The following DGLUCY variants were observed in gnomAD, a reference collection of about 807,000 sequenced individuals.
DGLUCY encodes D-glutamate cyclase, mitochondrial.
A neutral mutation model predicts 58.5 loss-of-function variants in DGLUCY; 58 were observed. That is an observed-to-expected ratio of 0.99 (90% confidence interval 0.80 to 1.23). The LOEUF (loss-of-function observed/expected upper bound fraction) is 1.23. DGLUCY is among the 50% of genes most tolerant of loss of function. DGLUCY has a pLI of 0.00. For synonymous variants in DGLUCY, 325 were observed against 314.1 expected (o/e 1.03, Z -0.37); for missense variants, 779 against 784.7 (o/e 0.99, Z 0.09).
In DGLUCY at chr14:91,201,359, C is replaced by T. The variant is rs563136215; in HGVS notation, c.1444+1454C>T. On this transcript the variant is annotated intron_variant, in intron 11 of 13. Coordinates refer to ENST00000256324, the MANE Select transcript of DGLUCY (RefSeq NM_001102368.3). ...CTGTTACCTGTCTCAAATGCAGTGG[C>T]GCAATCTCGGCTCACTGCAACCTCC... is the stretch of plus-strand genomic sequence containing the variant. Among the ~76,000 whole-genome samples, 6 of 151,016 alleles carry T rather than the reference C, an allele frequency of 4.0e-5. No homozygotes were observed. The East Asian group carries it at 1.2e-3, about 30-fold the overall frequency.
intron 1 of DGLUCY, among the ~76,000 whole-genome samples, chr14:91,154,796 ATCAC>A (rs201431969): frequency 0.028 from 4,283 of 152,248 alleles, 75 homozygotes; most frequent in South Asian, 0.036. Flanking sequence ...AGTTTCACAA[ATCAC>A]TCACTGCTCA....
intron 1 of DGLUCY, among the ~76,000 whole-genome samples, chr14:91,138,507 A>G (rs1246260427): frequency 6.6e-6 from 1 of 152,168 alleles, no homozygotes; most frequent in African/African-American, 2.4e-5. Flanking sequence ...AAGAAAAAGA[A>G]AAAAAGAAAT....
chr14:91,086,802 A>G (rs965249891), intron 1 of DGLUCY, among the ~76,000 whole-genome samples: 6 of 152,208 alleles, frequency 3.9e-5, no homozygotes, highest in African/African-American at 1.4e-4. Context: ...CACCCAGGCT[A>G]GAGTGCAATG....
upstream of DGLUCY, among the ~76,000 whole-genome samples, chr14:91,107,042 A>C (rs2044604574): frequency 6.6e-6 from 1 of 152,234 alleles, no homozygotes; most frequent in Non-Finnish European, 1.5e-5. Context: ...ATGCAAATTT[A>C]GAGTGAAATG....
At chr14:91,060,683 C>T (rs2043640521) in exon 1 of DGLUCY, 5 of 383,548 alleles carry the variant, frequency 1.3e-5, no homozygotes, top group South Asian at 1.1e-4. Flanking sequence ...CTCCTCAGGC[C>T]GCTCCGCCCA....
chr14:91,147,654 CTT>C (rs1033487060), intron 1 of DGLUCY: 10 of 152,218 alleles, frequency 6.6e-5, no homozygotes, highest in African/African-American at 1.9e-4. Context: ...AAATCTAACT[CTT>C]TTATTTTAGG....
intron 1 of DGLUCY, among the ~76,000 whole-genome samples, chr14:91,073,837 AC>A (rs1267219345): frequency 5.3e-5 from 8 of 152,026 alleles, no homozygotes; most frequent in Admixed American, 1.3e-4. Context: ...GTGAGCTATG[AC>A]CGTCTTACTG....
At chr14:91,144,669 C>G (rs1207508688) in intron 1 of DGLUCY, among the ~76,000 whole-genome samples, 1 of 152,194 alleles carries the variant, frequency 6.6e-6, no homozygotes, top group Non-Finnish European at 1.5e-5. Flanking sequence ...GCTTAAGTGG[C>G]ATGCTCTGTC....
chr14:91,115,116 A>C (rs1169803024), intron 1 of DGLUCY: 1 of 152,426 alleles, frequency 6.6e-6, no homozygotes, highest in Non-Finnish European at 1.5e-5. Context: ...AAATTGCAAA[A>C]ATTATCCCAG....
At chr14:91,122,154 C>T (rs113221033) in intron 1 of DGLUCY, among the ~76,000 whole-genome samples, 29 of 151,222 alleles carry the variant, frequency 1.9e-4, no homozygotes, top group African/African-American at 7.0e-4. Flanking sequence ...TATTAAGGAG[C>T]TTTTTATTTT....
chr14:91,080,073 G>A (rs2044098432), intron 1 of DGLUCY, among the ~76,000 whole-genome samples: 1 of 151,954 alleles, frequency 6.6e-6, no homozygotes, highest in Admixed American at 6.6e-5. Context: ...TCTGTGTCTG[G>A]CTTATTTCAC....
rs1038230067 is a variant in DGLUCY, at chr14:91,151,297, T to C, written c.-81-6342T>C. Among the ~76,000 whole-genome samples the C allele has an allele frequency of 3.3e-5, 5 of 152,236 alleles. No individual in the cohort carries two copies. The South Asian group carries it at 1.0e-3, about 32-fold the overall frequency. ...CTCTGTCGCCCAGGCTGGTGTGCAG[T>C]GGCGTGATCTCGGCTCACTGCAAGC... On this transcript the variant is annotated intron_variant, in intron 1 of 13. Transcript: ENST00000256324.
At position 91,139,293 on chromosome 14, in the gene DGLUCY, G is replaced by C. The variant is rs184153416; in HGVS notation, c.-81-18346G>C. On this transcript the variant is annotated intron_variant, in intron 1 of 13. Coordinates refer to ENST00000256324, the MANE Select transcript of DGLUCY (RefSeq NM_001102368.3). ...GTTCTCTTCGAGTCCTCCGTAGACT[G>C]CATGATGACCACTGCCATTGGTAAG... is the stretch of plus-strand genomic sequence containing the variant. Among the ~76,000 whole-genome samples, 3 of 152,264 alleles carry C rather than the reference G, an allele frequency of 2.0e-5. No homozygotes were observed. The East Asian group carries it at 5.8e-4, about 29-fold the overall frequency.
intron 11 of DGLUCY, among the ~76,000 whole-genome samples, chr14:91,200,743 T>C (rs2050501035): frequency 6.6e-6 from 1 of 152,116 alleles, no homozygotes; most frequent in South Asian, 2.1e-4. Flanking sequence ...GCTTGGGTAA[T>C]GTCACGTGCG....
At chr14:91,083,517 C>T (rs952096987) in intron 1 of DGLUCY, among the ~76,000 whole-genome samples, 2 of 137,966 alleles carry the variant, frequency 1.4e-5, no homozygotes, top group South Asian at 2.3e-4. Flanking sequence ...AGAGAGATTC[C>T]GTCTCAAAAA....
chr14:91,178,547 G>C (rs149125910), intron 7 of DGLUCY, among the ~76,000 whole-genome samples: 104 of 152,292 alleles, frequency 6.8e-4, no homozygotes, highest in Non-Finnish European at 1.2e-3. Flanking sequence ...CCCGTGTCAT[G>C]CTCTGAGCTG....
At chr14:91,197,646 A>G (rs763334559) in intron 10 of DGLUCY, among the ~76,000 whole-genome samples, 7 of 152,174 alleles carry the variant, frequency 4.6e-5, no homozygotes, top group African/African-American at 4.8e-5. Flanking sequence ...ATCATCCAAT[A>G]TTTGTCCTTT....
intron 1 of DGLUCY, among the ~76,000 whole-genome samples, chr14:91,126,866 C>T (rs1038913773): frequency 6.6e-6 from 1 of 152,128 alleles, no homozygotes; most frequent in Non-Finnish European, 1.5e-5. Flanking sequence ...TTGGGGGCCA[C>T]ATTCCACCCC....
At chr14:91,158,696 C>T (rs1020100033) in intron 2 of DGLUCY, among the ~76,000 whole-genome samples, 1 of 152,154 alleles carries the variant, frequency 6.6e-6, no homozygotes, top group Non-Finnish European at 1.5e-5. Context: ...CCAACAAACA[C>T]TTACTGAACT....
Sources: gnomAD v4.1 joint callset for allele counts (sites outside exome capture counted in the v4.1 genomes callset) on GRCh38, gnomAD v4.1.1 for gene constraint, MANE v1.5 for transcripts, NCBI Gene and HGNC (gene_info 2026-07-23, HGNC 2026-07-21) for gene names.